PIK3R3: variants seen among roughly 807,000 people sequenced by gnomAD.
The protein encoded by PIK3R3 is phosphatidylinositol 3-kinase regulatory subunit gamma.
Under a neutral mutation model 62.9 loss-of-function variants are expected in PIK3R3, and 64 were observed. That is an observed-to-expected ratio of 1.02 (90% CI 0.83 to 1.25). The LOEUF (loss-of-function observed/expected upper bound fraction) is 1.25. Ranked by LOEUF, PIK3R3 falls within the 50% of genes most tolerant of loss-of-function variation. PIK3R3 has a pLI of 0.00. For synonymous variants in PIK3R3, 165 were observed against 189.0 expected (o/e 0.87, Z 1.04); for missense variants, 614 against 561.6 (o/e 1.09, Z -0.94).
chr1:46,082,793 G>A lies in PIK3R3; in HGVS notation c.107-2043C>T, dbSNP rs11576281. Among the ~76,000 whole-genome samples, 1,251 of 152,144 alleles carry A rather than the reference G, an allele frequency of 8.2e-3. 13 individuals carry two copies. The highest frequency in any genetic ancestry group is 0.013 in the Non-Finnish European group (918 of 68,006). ...AGAAGTCCCTTAGTTGGCCGGGTACGGTGGCTCACACCTGTAATCCCAGCA... is the reference window on the plus strand; with the variant it reads ...AGAAGTCCCTTAGTTGGCCGGGTACAGTGGCTCACACCTGTAATCCCAGCA... On this transcript the variant is annotated intron_variant, in intron 1 of 9. Coordinates refer to ENST00000262741, the MANE Select transcript of PIK3R3 (RefSeq NM_003629.4).
chr1:46,066,957 G>C lies in PIK3R3; in HGVS notation c.449C>G (p.Pro150Arg), dbSNP rs1268022333. The change falls in exon 4 of 10, where the codon CCC (proline) becomes CGC (arginine). Residue 150 changes from proline (P) to arginine (R), a missense_variant. Physicochemically the swap from Pro to Arg is moderately radical, Grantham distance 103. Coordinates refer to ENST00000262741, the MANE Select transcript of PIK3R3 (RefSeq NM_003629.4). ...GTACATCAGCTTCACATCAAGTTTGGGATTGTACTGAGCAAGAGATTCATG... is the reference window on the plus strand; with the variant it reads ...GTACATCAGCTTCACATCAAGTTTGCGATTGTACTGAGCAAGAGATTCATG... ...YHHESLAQYN[P>R]KLDVKLMYPV... The C allele has an allele frequency of 3.1e-6, 5 of 1,613,500 alleles. No individual in the cohort carries two copies. In the African/African-American group the frequency reaches 6.7e-5, roughly 22 times the overall value.
chr1:46,155,660 T>G, the PIK3R3 span, among the ~76,000 whole-genome samples: 1 of 152,188 alleles, frequency 6.6e-6, no homozygotes, highest in Middle Eastern at 3.4e-3. Flanking sequence ...TGGGGTTTTG[T>G]CAAGTTGCCC....
At chr1:46,083,658 G>A (rs984218227) in intron 1 of PIK3R3, among the ~76,000 whole-genome samples, 5 of 152,072 alleles carry the variant, frequency 3.3e-5, no homozygotes, top group African/African-American at 1.2e-4. Context: ...ACAAACAAGT[G>A]GCCAATAAGC....
At chr1:46,069,440 A>G (rs935780359) in intron 3 of PIK3R3, among the ~76,000 whole-genome samples, 1 of 151,920 alleles carries the variant, frequency 6.6e-6, no homozygotes, top group Non-Finnish European at 1.5e-5. Context: ...AATTGCTTGA[A>G]TCCAGGAGGC....
At chr1:46,083,153 G>A (rs1588663) in intron 1 of PIK3R3, among the ~76,000 whole-genome samples, 102,423 of 151,970 alleles carry the variant, frequency 0.67, 34,756 homozygotes, top group Non-Finnish European at 0.71. Flanking sequence ...ATTCAATGAG[G>A]GAAAGAATAT....
intron 1 of PIK3R3, among the ~76,000 whole-genome samples, chr1:46,100,058 C>CT (rs1359835467): frequency 1.3e-5 from 2 of 151,920 alleles, no homozygotes; most frequent in Admixed American, 6.6e-5. Flanking sequence ...ATTATTAATC[C>CT]TTTTTAGTTA....
intron 7 of PIK3R3, among the ~76,000 whole-genome samples, chr1:46,053,660 G>T (rs1415407920): frequency 6.6e-6 from 1 of 152,110 alleles, no homozygotes; most frequent in African/African-American, 2.4e-5. Context: ...CCAGTGCCTT[G>T]AGTTCGGACT....
chr1:46,073,357 G>A (rs1461909870), intron 3 of PIK3R3, among the ~76,000 whole-genome samples: 1 of 152,142 alleles, frequency 6.6e-6, no homozygotes, highest in Non-Finnish European at 1.5e-5. Context: ...GGCCTACAGA[G>A]AAGGGCAATC....
At chr1:46,160,111 A>G in the PIK3R3 span, among the ~76,000 whole-genome samples, 8 of 152,294 alleles carry the variant, frequency 5.3e-5, no homozygotes, top group Non-Finnish European at 1.2e-4. Context: ...GGTTATTCTT[A>G]TCCTTTGTCT....
chr1:46,068,995 A>G (rs1189278952), intron 3 of PIK3R3, among the ~76,000 whole-genome samples: 1 of 152,208 alleles, frequency 6.6e-6, no homozygotes, highest in Non-Finnish European at 1.5e-5. Context: ...TGAAACTTTT[A>G]TAATAATCTA....
intron 3 of PIK3R3, among the ~76,000 whole-genome samples, chr1:46,074,284 G>T (rs1277306861): frequency 6.5e-5 from 3 of 46,090 alleles, no homozygotes; most frequent in East Asian, 6.2e-4. Flanking sequence ...GCTAGACTCC[G>T]TCAAAAAAAA....
the PIK3R3 span, among the ~76,000 whole-genome samples, chr1:46,166,233 T>G: frequency 6.6e-6 from 1 of 151,256 alleles, no homozygotes; most frequent in Admixed American, 6.6e-5. Context: ...TTCTTTTCTT[T>G]TTTTTTCTGA....
At chr1:46,100,230 T>G (rs1364251791) in intron 1 of PIK3R3, among the ~76,000 whole-genome samples, 3 of 152,198 alleles carry the variant, frequency 2.0e-5, no homozygotes, top group African/African-American at 7.2e-5. Flanking sequence ...TTCCCTGCCC[T>G]AGTATCATAA....
the PIK3R3 span, among the ~76,000 whole-genome samples, chr1:46,156,189 TAGAC>T: frequency 2.1e-3 from 313 of 152,268 alleles, 4 homozygotes; most frequent in African/African-American, 7.2e-3. Context: ...TCATAGAACA[TAGAC>T]AGTGAATAAT....
intron 1 of PIK3R3, among the ~76,000 whole-genome samples, chr1:46,118,837 T>C (rs1044960173): frequency 1.3e-5 from 2 of 152,120 alleles, no homozygotes; most frequent in Non-Finnish European, 2.9e-5. Flanking sequence ...ATTACAGGCA[T>C]GAGCCACCAC....
At chr1:46,050,928 TGAAAGAAGCCA>T (rs1288117784) in intron 7 of PIK3R3, among the ~76,000 whole-genome samples, 1 of 152,126 alleles carries the variant, frequency 6.6e-6, no homozygotes, top group Non-Finnish European at 1.5e-5. Flanking sequence ...CCATGCTAAG[TGAAAGAAGCCA>T]GTCACAAAAG....
At chr1:46,168,493 A>G in the PIK3R3 span, among the ~76,000 whole-genome samples, 1 of 152,112 alleles carries the variant, frequency 6.6e-6, no homozygotes, top group Non-Finnish European at 1.5e-5. Flanking sequence ...GCTAAATGAG[A>G]TGACCCCCAG....
chr1:46,045,462 A>G (rs927531285), intron 9 of PIK3R3, among the ~76,000 whole-genome samples: 1 of 152,096 alleles, frequency 6.6e-6, no homozygotes, highest in Non-Finnish European at 1.5e-5. Flanking sequence ...ACACGCCCAC[A>G]TTTCCTGTCA....
At chr1:46,164,947 G>T in the PIK3R3 span, among the ~76,000 whole-genome samples, 7 of 152,086 alleles carry the variant, frequency 4.6e-5, no homozygotes, top group Non-Finnish European at 7.4e-5. Context: ...GTATCCTCCT[G>T]CCTGAGCCTC....
Sources: gnomAD v4.1 joint callset for allele counts (sites outside exome capture counted in the v4.1 genomes callset) on GRCh38, gnomAD v4.1.1 for gene constraint, MANE v1.5 for transcripts, NCBI Gene and HGNC (gene_info 2026-07-23, HGNC 2026-07-21) for gene names.